The following SEH1L variants were observed in gnomAD, a reference collection of about 807,000 sequenced individuals.
SEH1L encodes the protein nucleoporin SEH1.
In SEH1L, 18 loss-of-function variants were observed where a neutral mutation model predicts 49.5. The ratio of observed to expected loss-of-function variants is 0.36; its 90% CI spans 0.25 to 0.54. SEH1L has a LOEUF of 0.54. Ranked by LOEUF, SEH1L falls within the 20% of genes least tolerant of loss-of-function variation. The pLI is 0.87. For synonymous variants in SEH1L, 169 were observed against 178.1 expected, an observed-to-expected ratio of 0.95 and a Z score of 0.41; for missense variants, 404 against 528.8, an observed-to-expected ratio of 0.76 and a Z score of 2.31.
intron 6 of SEH1L, among the ~76,000 whole-genome samples, chr18:12,980,310 A>T (rs2032150757): frequency 9.3e-6 from 1 of 107,054 alleles, no homozygotes; most frequent in African/African-American, 3.5e-5. Flanking sequence ...ACTTCCCAGT[A>T]GGGGCGGCCG....
chr18:12,954,112 G>A (rs2030711851), intron 2 of SEH1L, among the ~76,000 whole-genome samples: 1 of 152,150 alleles, frequency 6.6e-6, no homozygotes, highest in African/African-American at 2.4e-5. Flanking sequence ...ACCTTTAGTT[G>A]GTGACATTGT....
chr18:12,963,053 G>A (rs2031267811), intron 3 of SEH1L, 107 bp from the exon 4 acceptor site: 1 of 745,238 alleles, frequency 1.3e-6, no homozygotes, highest in East Asian at 2.7e-5. Context: ...TATATACCTA[G>A]TGAATGATAG....
intron 8 of SEH1L, 27 bp from the exon 9 acceptor site, chr18:12,986,831 TGGTG>T: frequency 7.2e-7 from 1 of 1,380,378 alleles, no homozygotes; most frequent in Admixed American, 3.2e-5. Flanking sequence ...TTGTTTTGTT[TGGTG>T]TTTTGTTCCT....
intron 4 of SEH1L, among the ~76,000 whole-genome samples, chr18:12,964,004 C>A (rs1043856099): frequency 6.6e-6 from 1 of 152,234 alleles, no homozygotes. Context: ...TGAGCTGCTG[C>A]ACCCAGCCAG....
chr18:12,957,988 C>T (rs186204846), intron 3 of SEH1L, among the ~76,000 whole-genome samples: 81 of 148,818 alleles, frequency 5.4e-4, no homozygotes, highest in Admixed American at 2.2e-3. Context: ...TGATTATAGG[C>T]GTGAGCCACT....
intron 3 of SEH1L, among the ~76,000 whole-genome samples, chr18:12,959,253 A>G (rs1030476737): frequency 7.2e-5 from 11 of 152,324 alleles, no homozygotes; most frequent in Admixed American, 4.6e-4. Context: ...CTTATCTGTT[A>G]TAGGTTGAGT....
intron 4 of SEH1L, among the ~76,000 whole-genome samples, chr18:12,966,507 C>T (rs897797587): frequency 2.0e-5 from 3 of 152,230 alleles, no homozygotes; most frequent in South Asian, 4.1e-4. Flanking sequence ...GTGATCCTCC[C>T]ACCACACACA....
intron 1 of SEH1L, among the ~76,000 whole-genome samples, chr18:12,949,966 A>G (rs377602381): frequency 1.1e-4 from 16 of 152,272 alleles, no homozygotes; most frequent in African/African-American, 3.6e-4. Flanking sequence ...TCAGATAAAT[A>G]GAATCATAGA....
chr18:12,986,593 TA>T (rs1198278554), intron 8 of SEH1L: 9 of 1,016,106 alleles, frequency 8.9e-6, no homozygotes, highest in Non-Finnish European at 1.1e-5. Context: ...CATTTATATA[TA>T]TTTTTTAACA....
chr18:12,979,011 A>G, intron 6 of SEH1L, 119 bp downstream of exon 6: 1 of 953,562 alleles, frequency 1.0e-6, no homozygotes, highest in Non-Finnish European at 1.6e-6. Flanking sequence ...TGGAAGTTTT[A>G]CTTAAAAATG....
At chr18:12,974,678 A>C (rs1276536184) in intron 5 of SEH1L, 2 of 152,246 alleles carry the variant, frequency 1.3e-5, no homozygotes, top group African/African-American at 4.8e-5. Flanking sequence ...GAGTGAAAAT[A>C]CTAAAACAGA....
At chr18:12,948,253 C>T in intron 1 of SEH1L, 21 bp downstream of exon 1, 2 of 1,567,562 alleles carry the variant, frequency 1.3e-6, no homozygotes, top group East Asian at 2.3e-5. Flanking sequence ...CGCTTGCGGG[C>T]GGGGCCGACC....
At chr18:12,979,278 GC>G (rs1568227871) in intron 6 of SEH1L, among the ~76,000 whole-genome samples, 1 of 149,820 alleles carries the variant, frequency 6.7e-6, no homozygotes, top group Non-Finnish European at 1.5e-5. Flanking sequence ...CTCTTAACGA[GC>G]ATGCTGCCTT....
intron 6 of SEH1L, among the ~76,000 whole-genome samples, chr18:12,982,167 T>TG (rs1240014722): frequency 2.6e-5 from 4 of 152,222 alleles, no homozygotes; most frequent in Non-Finnish European, 5.9e-5. Flanking sequence ...CACCTGGCCT[T>TG]GCCCTGCCTT....
At chr18:12,954,148 CTA>C (rs1228011279) in intron 2 of SEH1L, among the ~76,000 whole-genome samples, 1 of 152,188 alleles carries the variant, frequency 6.6e-6, no homozygotes, top group Non-Finnish European at 1.5e-5. Flanking sequence ...ATTGGTTAAA[CTA>C]TTTTTATGTT....
rs554886753 is a variant in SEH1L, at chr18:12,981,850, A to ATTTTTTTTTTTTTTTTTTTT, written c.762-660_762-641dup. Among the ~76,000 whole-genome samples the ATTTTTTTTTTTTTTTTTTTT allele has an allele frequency of 1.2e-4, 11 of 88,190 alleles. 1 individual carries two copies. Among genetic ancestry groups the ATTTTTTTTTTTTTTTTTTTT allele is most frequent in the African/African-American group, 6.3e-4 (11 of 17,576 alleles). 57.9% of individuals were successfully genotyped at this position (88,190 alleles called of 152,430 possible). ...TTCTTTCCTACTTGCTGCCCTGCCC[A>ATTTTTTTTTTTTTTTTTTTT]TTTTTTTTTTTTTTTTTTTTTTTTT... On this transcript the variant is annotated intron_variant, in intron 6 of 8. Transcript: ENST00000399892.
At chr18:12,981,137 C>G (rs898980107) in intron 6 of SEH1L, among the ~76,000 whole-genome samples, 3 of 151,924 alleles carry the variant, frequency 2.0e-5, no homozygotes, top group African/African-American at 7.2e-5. Context: ...CCCCACATCT[C>G]AGATGATGGG....
intron 6 of SEH1L, among the ~76,000 whole-genome samples, chr18:12,980,552 TGGCCGGGCGGGG>T (rs2032179873): frequency 1.9e-5 from 2 of 107,302 alleles, no homozygotes; most frequent in African/African-American, 7.2e-5. Context: ...ACGGGGCGGC[TGGCCGGGCGGGG>T]GGCTGACCCC....
At chr18:12,966,441 C>G (rs2145632840) in intron 4 of SEH1L, among the ~76,000 whole-genome samples, 1 of 147,826 alleles carries the variant, frequency 6.8e-6, no homozygotes, top group South Asian at 2.2e-4. Flanking sequence ...AGACACGTGT[C>G]ACTATGTCAC....
Sources: allele counts gnomAD v4.1 joint callset (sites outside exome capture counted in the v4.1 genomes callset), GRCh38; gene constraint gnomAD v4.1.1; transcripts MANE v1.5; gene names NCBI Gene and HGNC (gene_info 2026-07-23, HGNC 2026-07-21).